Variants in SAAL1 observed in about 807,000 individuals in gnomAD.
SAAL1 encodes the protein protein SAAL1.
In SAAL1, 42 loss-of-function variants were observed where a neutral mutation model predicts 59.8. The ratio of observed to expected loss-of-function variants is 0.70; its 90% CI spans 0.55 to 0.91. The LOEUF is 0.91. Among genes scored for constraint, SAAL1 ranks in the 40% least tolerant of loss-of-function variants. The probability of loss-of-function intolerance (pLI) is 0.00; values close to 1 mark genes in which losing one functional copy is unlikely to be tolerated. For synonymous variants in SAAL1, 191 were observed against 194.3 expected, an observed-to-expected ratio of 0.98 and a Z score of 0.14; for missense variants, 542 against 561.1, an observed-to-expected ratio of 0.97 and a Z score of 0.34.
chr11:18,081,788 G>A (rs144072670), intron 10 of SAAL1: 4 of 339,156 alleles, frequency 1.2e-5, no homozygotes, highest in African/African-American at 8.3e-5. Context: ...CTCCCGGCAA[G>A]TGCTCAATTC....
rs1848499572 is a variant in SAAL1, at chr11:18,089,444, A to C, written c.656T>G (p.Leu219Ter). 1 of 1,612,752 alleles carries C rather than the reference A, an allele frequency of 6.2e-7. No homozygotes were observed. The highest frequency in any genetic ancestry group is 1.7e-5 in the Admixed American group (1 of 59,704). ...AGCAGCCCCATTTCTGACCCATTCT[A>C]ACATTAGTTTCTCATCCAAATCAAA... ...KLFDLDEKLM[L>*]EWVRNGAAQP... Residue 219 changes from leucine to a stop codon, truncating the protein, a stop_gained, in exon 7 of 12, where the codon TTA becomes TGA. Transcript: ENST00000524803. LOFTEE classifies it high-confidence loss of function.
At chr11:18,087,276 A>C in intron 7 of SAAL1, 51 bp from the exon 8 acceptor site, 1 of 1,041,262 alleles carries the variant, frequency 9.6e-7, no homozygotes, top group Non-Finnish European at 1.5e-6. Flanking sequence ...TGTCCAGGGG[A>C]TTCCAATCAT....
Position 18,086,909 on chromosome 11 carries a change from G to C in SAAL1, c.999C>G (p.Ile333Met), listed in dbSNP as rs770383064. ...ACTCTTGCTCAGTCTGTGAGGCATAGATGGCAGACAACACTGAAAAAACAG... is the reference window on the plus strand; with the variant it reads ...ACTCTTGCTCAGTCTGTGAGGCATACATGGCAGACAACACTGAAAAAACAG... ...LASVFSVLSA[I>M]YASQTEQEYL... is the part of the protein sequence containing the mutation. Residue 333 changes from isoleucine to methionine, a missense_variant, in exon 9 of 12, where the codon ATC (isoleucine) becomes ATG (methionine). By Grantham distance (10) the Ile-to-Met change is conservative (BLOSUM62 1). Coordinates refer to ENST00000524803, the MANE Select transcript of SAAL1 (RefSeq NM_138421.3). The C allele has an allele frequency of 6.2e-7, 1 of 1,614,020 alleles. No homozygotes were observed. Among genetic ancestry groups the C allele is most frequent in the South Asian group, 1.1e-5 (1 of 91,084 alleles).
At chr11:18,093,030 A>G (rs1401464346) in intron 3 of SAAL1, among the ~76,000 whole-genome samples, 1 of 152,178 alleles carries the variant, frequency 6.6e-6, no homozygotes, top group Non-Finnish European at 1.5e-5. Context: ...TCTGAGCAGC[A>G]CGATGAAATC....
At chr11:18,081,826 T>A in intron 10 of SAAL1, 1 of 226,634 alleles carries the variant, frequency 4.4e-6, no homozygotes, top group Non-Finnish European at 8.7e-6. Flanking sequence ...CTTACCCCCA[T>A]CCCTCCTCTC....
intron 3 of SAAL1, 41 bp from the exon 4 acceptor site, chr11:18,092,365 G>A (rs763228812): frequency 1.7e-5 from 21 of 1,256,054 alleles, no homozygotes; most frequent in Non-Finnish European, 2.2e-5. Context: ...GCTCTGAGAC[G>A]AAAGACGTAA....
At chr11:18,087,825 C>G (rs1369301444) in intron 7 of SAAL1, among the ~76,000 whole-genome samples, 1 of 152,186 alleles carries the variant, frequency 6.6e-6, no homozygotes, top group Non-Finnish European at 1.5e-5. Flanking sequence ...TAAGTACTTA[C>G]AAATTTCAGG....
intron 5 of SAAL1, 51 bp from the exon 6 acceptor site, chr11:18,090,341 A>AC: frequency 6.4e-7 from 1 of 1,563,064 alleles, no homozygotes; most frequent in Middle Eastern, 1.7e-4. Context: ...AAAAAAAAAA[A>AC]CAGTAAAGGA....
intron 3 of SAAL1, 90 bp downstream of exon 3, chr11:18,096,681 G>T: frequency 1.3e-6 from 1 of 749,936 alleles, no homozygotes; most frequent in South Asian, 1.5e-5. Flanking sequence ...TGGTCAGTAA[G>T]AAAATCAAAG....
intron 7 of SAAL1, 95 bp downstream of exon 7, chr11:18,089,235 T>C (rs1848497380): frequency 9.2e-7 from 1 of 1,092,200 alleles, no homozygotes. Context: ...ATGTACTTTA[T>C]TCTGTTGTAA....
rs201408693 is a variant in SAAL1 at position 18,106,048 on chromosome 11, G to A, written c.-7C>T. ...GCGAGGGGTTGCGGTCCATGACTTT[G>A]TCGCGTCCCGCGCTTGAAGGCCGTG... On this transcript the variant is annotated 5_prime_UTR_variant, in exon 1 of 12. Transcript: ENST00000524803. 9 of 1,597,734 alleles carry A rather than the reference G, an allele frequency of 5.6e-6. No homozygotes were observed. In the Admixed American group the frequency reaches 6.8e-5, roughly 12 times the overall value.
intron 2 of SAAL1, among the ~76,000 whole-genome samples, chr11:18,097,159 C>T (rs1848586527): frequency 6.6e-6 from 1 of 152,060 alleles, no homozygotes; most frequent in Non-Finnish European, 1.5e-5. Flanking sequence ...ATCGCTAGAA[C>T]CCGGGAGGCA....
chr11:18,101,820 T>TAA (rs58015469), intron 2 of SAAL1, among the ~76,000 whole-genome samples: 2 of 113,152 alleles, frequency 1.8e-5, no homozygotes, highest in Non-Finnish European at 3.8e-5. Flanking sequence ...CATTCAGCAA[T>TAA]AAAAAAAAAA....
At chr11:18,090,099 T>C in intron 6 of SAAL1, 76 bp downstream of exon 6, 8 of 1,343,002 alleles carry the variant, frequency 6.0e-6, no homozygotes, top group South Asian at 5.8e-5. Context: ...AGGTGACTTC[T>C]AGAAATAGTT....
In SAAL1 at chr11:18,090,499, A is replaced by G. The variant is rs745474837; in HGVS notation, c.414-6T>C. ...AACAGTGCAATAACACCTGCCTACA[A>G]AAACAAAGAAGTTAACCGATATGCC... is the stretch of plus-strand genomic sequence containing the variant. On this transcript the variant is annotated splice_region_variant and splice_polypyrimidine_tract_variant and intron_variant, in intron 4 of 11. Coordinates refer to ENST00000524803, the MANE Select transcript of SAAL1 (RefSeq NM_138421.3). 7 of 1,602,238 alleles carry G rather than the reference A, an allele frequency of 4.4e-6. No individual in the cohort carries two copies. The Admixed American group carries it at 1.1e-4, about 24-fold the overall frequency.
At position 18,106,037 on chromosome 11, in the gene SAAL1, T is replaced by C. The variant is rs1405761150; in HGVS notation, c.5A>G (p.Asp2Gly). Residue 2 changes from aspartate (D) to glycine (G), a missense_variant, in exon 1 of 12, where the codon GAC (aspartate) becomes GGC (glycine). Asp to Gly is a moderately conservative substitution (Grantham distance 94). Transcript: ENST00000524803. Reference protein sequence around the residue: MDRNPSPPPPGR... With the variant: MGRNPSPPPPGR... ...CGGCGGCGGCGGCGAGGGGTTGCGG[T>C]CCATGACTTTGTCGCGTCCCGCGCT... 9 of 1,602,584 alleles carry C rather than the reference T, an allele frequency of 5.6e-6. No homozygotes were observed. The highest frequency in any genetic ancestry group is 1.7e-4 in the Middle Eastern group (1 of 6,032).
chr11:18,083,785 T>C, intron 9 of SAAL1, 54 bp from the exon 10 acceptor site: 1 of 1,186,352 alleles, frequency 8.4e-7, no homozygotes. Context: ...TGGTTTTTCA[T>C]TCATATGTAT....
intron 2 of SAAL1, among the ~76,000 whole-genome samples, chr11:18,099,393 T>C (rs953975088): frequency 1.3e-5 from 2 of 152,220 alleles, no homozygotes; most frequent in Admixed American, 6.5e-5. Context: ...TGGGGATACA[T>C]CAGTGAACAA....
intron 2 of SAAL1, among the ~76,000 whole-genome samples, chr11:18,101,820 T>TA (rs58015469): frequency 1.8e-3 from 204 of 113,176 alleles, no homozygotes; most frequent in East Asian, 3.3e-3. Flanking sequence ...CATTCAGCAA[T>TA]AAAAAAAAAA....
Sources: gnomAD v4.1 joint callset for allele counts (sites outside exome capture counted in the v4.1 genomes callset) on GRCh38, gnomAD v4.1.1 for gene constraint, MANE v1.5 for transcripts, NCBI Gene and HGNC (gene_info 2026-07-23, HGNC 2026-07-21) for gene names.